The following SIMC1 variants were observed in gnomAD, a reference collection of about 807,000 sequenced individuals.
SIMC1 encodes the protein SUMO-interacting motif-containing protein 1.
In SIMC1, 55 loss-of-function variants were observed where a neutral mutation model predicts 82.3. The observed-to-expected ratio is 0.67, with a 90% CI of 0.54 to 0.84. The LOEUF (loss-of-function observed/expected upper bound fraction) is 0.84, where lower values mean the gene tolerates loss of function less well. Among genes scored for constraint, SIMC1 ranks in the 40% least tolerant of loss-of-function variants. The probability of loss-of-function intolerance (pLI) is 0.00; values close to 1 mark genes in which losing one functional copy is unlikely to be tolerated. For synonymous variants in SIMC1, 353 were observed against 426.3 expected, an observed-to-expected ratio of 0.83 and a Z score of 2.12; for missense variants, 915 against 1,107.2, an observed-to-expected ratio of 0.83 and a Z score of 2.46.
intron 1 of SIMC1, among the ~76,000 whole-genome samples, chr5:176,270,914 A>G (rs1028467085): frequency 9.2e-5 from 14 of 152,314 alleles, no homozygotes; most frequent in African/African-American, 3.4e-4. Context: ...AAGGACTGCA[A>G]TTCCTGCACA....
At chr5:176,309,049 A>C (rs1764546732) in intron 4 of SIMC1, 2 of 750,276 alleles carry the variant, frequency 2.7e-6, no homozygotes, top group African/African-American at 3.5e-5. Flanking sequence ...GAAAATATCC[A>C]GTGTAAAGTT....
chr5:176,330,419 GA>G, intron 7 of SIMC1, among the ~76,000 whole-genome samples: 1 of 150,372 alleles, frequency 6.7e-6, no homozygotes, highest in East Asian at 1.9e-4. Context: ...AAAAAAAAGG[GA>G]ACCAGAATTC....
chr5:176,251,880 G>C (rs1761668427), intron 1 of SIMC1, among the ~76,000 whole-genome samples: 2 of 150,132 alleles, frequency 1.3e-5, no homozygotes, highest in African/African-American at 4.9e-5. Context: ...ACATGTTTCA[G>C]AGAGCACAGG....
At chr5:176,273,005 G>C (rs1762514115) in intron 1 of SIMC1, among the ~76,000 whole-genome samples, 1 of 152,222 alleles carries the variant, frequency 6.6e-6, no homozygotes, top group African/African-American at 2.4e-5. Context: ...ACTTCTAGGG[G>C]CAGGGCATAG....
intron 7 of SIMC1, among the ~76,000 whole-genome samples, chr5:176,326,404 T>C (rs904801793): frequency 1.3e-5 from 2 of 152,102 alleles, no homozygotes; most frequent in East Asian, 1.9e-4. Flanking sequence ...TTTTTCTTTT[T>C]CTTTATAATT....
At chr5:176,272,737 A>T (rs554281741) in intron 1 of SIMC1, among the ~76,000 whole-genome samples, 55 of 152,322 alleles carry the variant, frequency 3.6e-4, no homozygotes, top group Admixed American at 3.4e-3. Flanking sequence ...ACTCCACCCT[A>T]ATACTGTGCT....
chr5:176,258,463 G>A (rs1260606807), intron 1 of SIMC1, among the ~76,000 whole-genome samples: 1 of 150,344 alleles, frequency 6.7e-6, no homozygotes, highest in Admixed American at 6.7e-5. Context: ...ACATCAGGTG[G>A]GGATGGTAGT....
At position 176,279,006 on chromosome 5, in the gene SIMC1, A is replaced by G. The variant is rs188234731; in HGVS notation, c.130-10648A>G. On this transcript the variant is annotated intron_variant, in intron 1 of 9. Coordinates refer to ENST00000429602, the MANE Select transcript of SIMC1 (RefSeq NM_001308195.2). ...GATTCTCTCTTTTTCTATTGATTGGAATAGTTTCAGAAGGAGTGGTACCAG... is the reference window on the plus strand; with the variant it reads ...GATTCTCTCTTTTTCTATTGATTGGGATAGTTTCAGAAGGAGTGGTACCAG... 9.2e-5 allele frequency among the ~76,000 whole-genome samples: 14 copies of G among 152,250 alleles called. No homozygotes were observed. In the East Asian group the frequency reaches 1.3e-3, roughly 15 times the overall value.
intron 1 of SIMC1, among the ~76,000 whole-genome samples, chr5:176,284,131 A>G (rs544551679): frequency 2.6e-5 from 4 of 152,338 alleles, no homozygotes; most frequent in African/African-American, 7.2e-5. Context: ...TAGAAAGTCA[A>G]CAAAGATATC....
At chr5:176,248,500 A>G (rs1245140244) in intron 1 of SIMC1, among the ~76,000 whole-genome samples, 1 of 152,090 alleles carries the variant, frequency 6.6e-6, no homozygotes, top group Non-Finnish European at 1.5e-5. Context: ...GCTTAAGGAG[A>G]TTTTAGGCTG....
At chr5:176,244,708 T>G (rs978484293) in intron 1 of SIMC1, among the ~76,000 whole-genome samples, 1 of 147,912 alleles carries the variant, frequency 6.8e-6, no homozygotes, top group Non-Finnish European at 1.5e-5. Context: ...TAATGTTTCT[T>G]TTTTTTTTTC....
intron 1 of SIMC1, among the ~76,000 whole-genome samples, chr5:176,275,684 G>T (rs1762655560): frequency 6.6e-6 from 1 of 151,782 alleles, no homozygotes; most frequent in Non-Finnish European, 1.5e-5. Flanking sequence ...TAGCATGAAG[G>T]TTGTTGAATT....
At chr5:176,321,812 G>A (rs4615312) in intron 5 of SIMC1, among the ~76,000 whole-genome samples, 21,579 of 150,536 alleles carry the variant, frequency 0.14, 1,532 homozygotes, top group Middle Eastern at 0.21. Flanking sequence ...GGAAGGCACA[G>A]ATAGTACTAT....
At chr5:176,301,411 A>G (rs6896241) in intron 4 of SIMC1, among the ~76,000 whole-genome samples, 68,577 of 151,980 alleles carry the variant, frequency 0.45, 17,297 homozygotes, top group Non-Finnish European at 0.57. Flanking sequence ...ACCTCTTTCC[A>G]TTATAAATTA....
At chr5:176,297,627 T>C (rs1763878845) in intron 4 of SIMC1, among the ~76,000 whole-genome samples, 1 of 152,140 alleles carries the variant, frequency 6.6e-6, no homozygotes, top group Admixed American at 6.5e-5. Flanking sequence ...ATCCCCAAGT[T>C]TAATTTAATG....
intron 5 of SIMC1, among the ~76,000 whole-genome samples, chr5:176,318,427 A>G (rs1016331156): frequency 2.0e-5 from 3 of 152,134 alleles, no homozygotes; most frequent in African/African-American, 7.2e-5. Flanking sequence ...TTCACACTGG[A>G]TTGTCCTACT....
intron 2 of SIMC1, among the ~76,000 whole-genome samples, chr5:176,292,639 G>C (rs1005582905): frequency 1.3e-5 from 2 of 151,992 alleles, no homozygotes; most frequent in Non-Finnish European, 2.9e-5. Context: ...CCGCCTCCCA[G>C]GTTCAAGCGA....
chr5:176,290,404 C>T lies in SIMC1; in HGVS notation c.880C>T (p.Gln294Ter), dbSNP rs768384910. Residue 294 changes from glutamine to a stop codon, truncating the protein, a stop_gained, in exon 2 of 10, where the codon CAA becomes TAA. Coordinates refer to ENST00000429602, the MANE Select transcript of SIMC1 (RefSeq NM_001308195.2). LOFTEE classifies it high-confidence loss of function. ...GLPQDVPGLP[Q>*]SILHPQDVAY... ...ACCTCAAGATGTGCCAGGGCTGCCT[C>T]AAAGCATATTACATCCACAAGATGT... 1 of 1,613,968 alleles carries T rather than the reference C, an allele frequency of 6.2e-7. No individual in the cohort carries two copies. The highest frequency in any genetic ancestry group is 8.5e-7 in the Non-Finnish European group (1 of 1,179,864).
At chr5:176,265,669 T>C (rs1762179982) in intron 1 of SIMC1, among the ~76,000 whole-genome samples, 1 of 152,300 alleles carries the variant, frequency 6.6e-6, no homozygotes, top group Middle Eastern at 3.4e-3. Flanking sequence ...CTTAGTAATC[T>C]GTGTTTCTCC....
Sources: gnomAD v4.1 joint callset for allele counts (sites outside exome capture counted in the v4.1 genomes callset) on GRCh38, gnomAD v4.1.1 for gene constraint, MANE v1.5 for transcripts, NCBI Gene and HGNC (gene_info 2026-07-23, HGNC 2026-07-21) for gene names.